The following THSD7B variants were observed in gnomAD, a reference collection of about 807,000 sequenced individuals.
THSD7B encodes the protein thrombospondin type 1 domain containing 7B.
In THSD7B, 138 loss-of-function variants were observed where a neutral mutation model predicts 213.6. That is an observed-to-expected ratio of 0.65 (90% CI 0.56 to 0.74). The LOEUF (loss-of-function observed/expected upper bound fraction) is 0.74. THSD7B is among the 30% of genes least tolerant of loss of function. The probability of loss-of-function intolerance (pLI) is 0.00; values close to 1 mark genes in which losing one functional copy is unlikely to be tolerated. For synonymous variants in THSD7B, 742 were observed against 687.0 expected, an observed-to-expected ratio of 1.08 and a Z score of -1.25; for missense variants, 1,931 against 1,991.5, an observed-to-expected ratio of 0.97 and a Z score of 0.58.
intron 1 of THSD7B, among the ~76,000 whole-genome samples, chr2:136,812,478 T>C (rs1682391962): frequency 6.6e-6 from 1 of 152,192 alleles, no homozygotes; most frequent in African/African-American, 2.4e-5. Context: ...TGTAGTGAGG[T>C]AGTTGTAAGC....
intron 3 of THSD7B, among the ~76,000 whole-genome samples, chr2:137,080,124 G>A (rs1169270702): frequency 2.6e-5 from 4 of 151,972 alleles, no homozygotes; most frequent in Admixed American, 6.6e-5. Context: ...TTACAGGCGT[G>A]AGCCACTGTG....
chr2:137,592,779 A>C (rs13420169), intron 17 of THSD7B, among the ~76,000 whole-genome samples: 29,131 of 151,846 alleles, frequency 0.19, 3,172 homozygotes, highest in South Asian at 0.29. Flanking sequence ...TTTACTTCTT[A>C]TATTTCTGAA....
intron 10 of THSD7B, among the ~76,000 whole-genome samples, chr2:137,248,800 C>A (rs1470182996): frequency 4.6e-5 from 7 of 152,192 alleles, no homozygotes; most frequent in Admixed American, 1.3e-4. Context: ...ACTTTAACAC[C>A]TTGTTCTTCC....
At chr2:136,950,306 C>A (rs1685014361) in intron 2 of THSD7B, among the ~76,000 whole-genome samples, 2 of 152,156 alleles carry the variant, frequency 1.3e-5, no homozygotes, top group African/African-American at 4.8e-5. Flanking sequence ...CACAAACCTT[C>A]AGTGACTGTG....
chr2:137,539,875 A>G (rs1264545402), intron 15 of THSD7B, among the ~76,000 whole-genome samples: 2 of 151,668 alleles, frequency 1.3e-5, no homozygotes, highest in African/African-American at 4.8e-5. Flanking sequence ...TGTCTTCCCA[A>G]TTCATGATGT....
chr2:137,671,512 A>AAT, intron 27 of THSD7B, among the ~76,000 whole-genome samples: 1 of 143,616 alleles, frequency 7.0e-6, no homozygotes, highest in Non-Finnish European at 1.5e-5. Context: ...TTACTTACTT[A>AAT]CAATCATGGC....
At chr2:137,167,234 C>T (rs1173740393) in intron 6 of THSD7B, among the ~76,000 whole-genome samples, 1 of 151,786 alleles carries the variant, frequency 6.6e-6, no homozygotes, top group Non-Finnish European at 1.5e-5. Flanking sequence ...GACAGAGTCT[C>T]ACTCTGTCAC....
intron 12 of THSD7B, among the ~76,000 whole-genome samples, chr2:137,296,293 T>G (rs1363366661): frequency 6.6e-6 from 1 of 152,142 alleles, no homozygotes; most frequent in Non-Finnish European, 1.5e-5. Context: ...CTTACTGCAC[T>G]TAGGGATTAT....
At chr2:136,833,384 A>G (rs113466375) in intron 1 of THSD7B, among the ~76,000 whole-genome samples, 1 of 146,708 alleles carries the variant, frequency 6.8e-6, no homozygotes, top group African/African-American at 2.5e-5. Flanking sequence ...AAAAAAAAAA[A>G]AAGAGAGAGA....
intron 12 of THSD7B, among the ~76,000 whole-genome samples, chr2:137,295,130 C>A (rs992281892): frequency 6.6e-6 from 1 of 151,988 alleles, no homozygotes; most frequent in Non-Finnish European, 1.5e-5. Context: ...TTACAATTGG[C>A]TCAATTTTCT....
chr2:137,330,585 G>A (rs912589785), intron 12 of THSD7B, among the ~76,000 whole-genome samples: 5 of 151,970 alleles, frequency 3.3e-5, no homozygotes, highest in African/African-American at 9.7e-5. Flanking sequence ...GCAGACCTTC[G>A]CAGTGAGTGT....
chr2:137,436,717 A>G (rs541009270), intron 14 of THSD7B, among the ~76,000 whole-genome samples: 1 of 152,328 alleles, frequency 6.6e-6, no homozygotes, highest in East Asian at 1.9e-4. Flanking sequence ...AATATAATTT[A>G]CAAACAAACC....
chr2:137,192,929 A>G (rs1680687735), intron 7 of THSD7B, among the ~76,000 whole-genome samples: 2 of 152,112 alleles, frequency 1.3e-5, no homozygotes, highest in South Asian at 4.1e-4. Flanking sequence ...TCTATTCTTG[A>G]AGTATTTTTC....
At position 137,676,660 on chromosome 2, in the gene THSD7B, G is replaced by T; in HGVS notation, c.*55G>T. 6.9e-7 allele frequency: 1 copy of T among 1,454,038 alleles called. No homozygotes were observed. The highest frequency in any genetic ancestry group is 9.2e-7 in the Non-Finnish European group (1 of 1,087,328). The allele number at this position is 1,454,038 out of a possible 1,614,324, so 90.1% of individuals were successfully genotyped here. A position where few individuals can be genotyped will look rare whatever the true frequency, so the allele number is the denominator to read the frequency against. ...AACTGCCTTAACCGCTTTCTCTTTT[G>T]TAGCTCTCAGACTTCTCAGTTTTTT... On this transcript the variant is annotated 3_prime_UTR_variant, in exon 28 of 28. Coordinates refer to ENST00000409968, the MANE Select transcript of THSD7B (RefSeq NM_001316349.2).
At chr2:136,862,656 T>A (rs1009173237) in intron 1 of THSD7B, among the ~76,000 whole-genome samples, 5 of 152,168 alleles carry the variant, frequency 3.3e-5, no homozygotes, top group Non-Finnish European at 5.9e-5. Flanking sequence ...GAGAAGACCC[T>A]CCAGATGAAG....
At chr2:137,596,250 T>C (rs1681955650) in intron 17 of THSD7B, among the ~76,000 whole-genome samples, 2 of 151,974 alleles carry the variant, frequency 1.3e-5, no homozygotes, top group African/African-American at 4.8e-5. Flanking sequence ...TGGAAGATAA[T>C]GTAGCTATTA....
chr2:137,638,781 G>C (rs986359959), intron 20 of THSD7B, among the ~76,000 whole-genome samples: 15 of 152,272 alleles, frequency 9.9e-5, no homozygotes, highest in Admixed American at 7.8e-4. Context: ...GGTGACTCTT[G>C]TTATGTTTTA....
intron 9 of THSD7B, among the ~76,000 whole-genome samples, chr2:137,235,878 G>T (rs997504289): frequency 6.6e-6 from 1 of 152,118 alleles, no homozygotes; most frequent in Non-Finnish European, 1.5e-5. Context: ...TGTTAATGAG[G>T]CTGGAGACTT....
At chr2:137,309,996 A>G (rs1184568860) in intron 12 of THSD7B, among the ~76,000 whole-genome samples, 3 of 151,582 alleles carry the variant, frequency 2.0e-5, no homozygotes, top group Admixed American at 2.0e-4. Flanking sequence ...TAGCAGCATG[A>G]TTTATAGTCC....
Sources: allele counts gnomAD v4.1 joint callset (sites outside exome capture counted in the v4.1 genomes callset), GRCh38; gene constraint gnomAD v4.1.1; transcripts MANE v1.5; gene names NCBI Gene and HGNC (gene_info 2026-07-23, HGNC 2026-07-21).